The following MAP4 variants were observed in gnomAD, a reference collection of about 807,000 sequenced individuals.
MAP4 encodes microtubule associated protein 4.
A neutral mutation model predicts 170.2 loss-of-function variants in MAP4; 76 were observed. That is an observed-to-expected ratio of 0.45 (90% confidence interval 0.37 to 0.54). MAP4 has a LOEUF of 0.54. Ranked by LOEUF, MAP4 falls within the 20% of genes least tolerant of loss-of-function variation. MAP4 has a pLI of 0.00. For missense variants in MAP4, 2,506 were observed against 2,748.0 expected, an observed-to-expected ratio of 0.91 and a Z score of 1.97; for synonymous variants, 909 against 994.5, an observed-to-expected ratio of 0.91 and a Z score of 1.62.
intron 3 of MAP4, among the ~76,000 whole-genome samples, chr3:47,950,582 A>T (rs904906003): frequency 2.0e-5 from 3 of 147,178 alleles, no homozygotes; most frequent in African/African-American, 7.4e-5. Flanking sequence ...AATTATGTTT[A>T]AAAAAAAAAA....
chr3:48,042,880 A>G (rs1434012185), intron 1 of MAP4, among the ~76,000 whole-genome samples: 1 of 152,226 alleles, frequency 6.6e-6, no homozygotes, highest in Non-Finnish European at 1.5e-5. Flanking sequence ...ACATCACAAA[A>G]GACCACCTAC....
intron 1 of MAP4, among the ~76,000 whole-genome samples, chr3:48,030,470 T>A (rs1214866335): frequency 1.6e-5 from 2 of 124,108 alleles, no homozygotes; most frequent in East Asian, 2.4e-4. Flanking sequence ...AGTTAGGAAG[T>A]GCTAAAAATA....
chr3:47,894,838 C>A (rs1004278258), intron 10 of MAP4, among the ~76,000 whole-genome samples: 58 of 151,750 alleles, frequency 3.8e-4, no homozygotes, highest in African/African-American at 1.4e-3. Flanking sequence ...CCAGCCTGGG[C>A]AACATGGCAA....
chr3:47,953,469 C>G (rs2100065801), intron 3 of MAP4, among the ~76,000 whole-genome samples: 1 of 152,132 alleles, frequency 6.6e-6, no homozygotes, highest in Admixed American at 6.5e-5. Flanking sequence ...TTACAGTGAG[C>G]TATGATCACG....
At chr3:47,863,018 C>G (rs950930791) in intron 17 of MAP4, among the ~76,000 whole-genome samples, 1 of 151,168 alleles carries the variant, frequency 6.6e-6, no homozygotes, top group Admixed American at 6.6e-5. Context: ...CTCTTGTTGC[C>G]CAGGCTGGAG....
intron 3 of MAP4, among the ~76,000 whole-genome samples, chr3:47,929,949 T>G (rs1030550789): frequency 6.7e-6 from 1 of 150,004 alleles, no homozygotes; most frequent in Admixed American, 6.7e-5. Context: ...GCCAACTGGG[T>G]GACACCCCAT....
intron 1 of MAP4, among the ~76,000 whole-genome samples, chr3:48,041,268 T>C (rs897424190): frequency 6.6e-6 from 1 of 152,042 alleles, no homozygotes; most frequent in African/African-American, 2.4e-5. Flanking sequence ...CATGCCACCA[T>C]GCCCGGCTAA....
chr3:48,075,014 G>C (rs1559907068), intron 1 of MAP4, among the ~76,000 whole-genome samples: 1 of 151,904 alleles, frequency 6.6e-6, no homozygotes, highest in Non-Finnish European at 1.5e-5. Context: ...TAATCCTAAA[G>C]CTCAAATGGA....
chr3:47,933,701 C>T (rs896993033), intron 3 of MAP4, among the ~76,000 whole-genome samples: 9 of 151,430 alleles, frequency 5.9e-5, no homozygotes, highest in Non-Finnish European at 1.2e-4. Context: ...CCCAGATTCA[C>T]GCCATTCTCC....
intron 3 of MAP4, among the ~76,000 whole-genome samples, chr3:47,976,026 GT>G (rs1466175838): frequency 6.6e-6 from 1 of 152,156 alleles, no homozygotes; most frequent in Middle Eastern, 3.2e-3. Flanking sequence ...CCAACCTCAG[GT>G]GATCCGCCCG....
chr3:47,929,279 T>C (rs1431776528), intron 3 of MAP4, among the ~76,000 whole-genome samples: 1 of 152,088 alleles, frequency 6.6e-6, no homozygotes, highest in Non-Finnish European at 1.5e-5. Flanking sequence ...CACTTGAACC[T>C]GGGAGTGGGA....
intron 10 of MAP4, among the ~76,000 whole-genome samples, chr3:47,881,015 T>C (rs1226296376): frequency 6.6e-6 from 1 of 152,214 alleles, no homozygotes; most frequent in Non-Finnish European, 1.5e-5. Context: ...CTTCTCCTTT[T>C]AGCTCTGTCA....
chr3:47,867,202 G>T, intron 17 of MAP4, 44 bp downstream of exon 17: 1 of 1,371,698 alleles, frequency 7.3e-7, no homozygotes, highest in Non-Finnish European at 1.0e-6. Flanking sequence ...ATACCCCACA[G>T]TGGGCTATAT....
intron 2 of MAP4, among the ~76,000 whole-genome samples, chr3:47,995,722 A>G (rs545796851): frequency 7.9e-5 from 12 of 152,270 alleles, no homozygotes; most frequent in African/African-American, 2.9e-4. Flanking sequence ...CCTAACAACA[A>G]GAAACAGCCA....
chr3:47,943,562 T>TTGTG (rs760107985), intron 3 of MAP4, among the ~76,000 whole-genome samples: 5 of 151,768 alleles, frequency 3.3e-5, no homozygotes, highest in Admixed American at 6.6e-5. Flanking sequence ...TGAGCCCAGA[T>TTGTG]CCCGTACTGC....
intron 1 of MAP4, among the ~76,000 whole-genome samples, chr3:48,060,768 TA>T: frequency 6.6e-6 from 1 of 151,278 alleles, no homozygotes; most frequent in Non-Finnish European, 1.5e-5. Flanking sequence ...AAAATAATAA[TA>T]ATACAAAAAA....
chr3:47,985,658 T>C (rs571246890), intron 2 of MAP4, among the ~76,000 whole-genome samples: 5 of 152,170 alleles, frequency 3.3e-5, no homozygotes, highest in African/African-American at 1.2e-4. Context: ...CAAACCCAAA[T>C]TAGGGGACTT....
intron 7 of MAP4, 132 bp from the exon 8 acceptor site, chr3:47,915,071 G>T: frequency 9.6e-7 from 1 of 1,039,572 alleles, no homozygotes; most frequent in South Asian, 1.5e-5. Flanking sequence ...GAGTGAAGTG[G>T]TAGTTGGAAG....
At chr3:48,074,671 G>T (rs2100142802) in intron 1 of MAP4, among the ~76,000 whole-genome samples, 1 of 33,034 alleles carries the variant, frequency 3.0e-5, no homozygotes, top group Non-Finnish European at 6.7e-5. Flanking sequence ...ACCACATCCA[G>T]CTAATTGTGT....
Sources: gnomAD v4.1 joint callset for allele counts (sites outside exome capture counted in the v4.1 genomes callset) on GRCh38, gnomAD v4.1.1 for gene constraint, MANE v1.5 for transcripts, NCBI Gene and HGNC (gene_info 2026-07-23, HGNC 2026-07-21) for gene names.